Variants in OR10J1 observed in about 807,000 individuals in gnomAD.
OR10J1 encodes olfactory receptor 10J1.
For missense variants in OR10J1, 474 were observed against 376.6 expected (o/e 1.26, Z -2.14); for synonymous variants, 202 against 143.8 (o/e 1.40, Z -2.89).
the OR10J1 span, among the ~76,000 whole-genome samples, chr1:159,430,665 G>GTGTGTGTGTGTGTGTGTA: frequency 2.3e-3 from 190 of 83,564 alleles, no homozygotes; most frequent in Middle Eastern, 0.029. Context: ...GTGTGTGTGT[G>GTGTGTGTGTGTGTGTGTA]TGTGCGCGCG....
upstream of OR10J1, among the ~76,000 whole-genome samples, chr1:159,433,875 T>C (rs1483346141): frequency 6.6e-6 from 1 of 152,116 alleles, no homozygotes; most frequent in African/African-American, 2.4e-5. Context: ...AGATGTTAGA[T>C]ATTTATTAAA....
the OR10J1 span, among the ~76,000 whole-genome samples, chr1:159,430,064 T>A: frequency 2.6e-5 from 4 of 152,050 alleles, no homozygotes; most frequent in Non-Finnish European, 5.9e-5. Context: ...GTGGCCCTCA[T>A]CTCATAACCT....
the OR10J1 span, among the ~76,000 whole-genome samples, chr1:159,414,565 T>A: frequency 6.6e-6 from 1 of 152,142 alleles, no homozygotes; most frequent in African/African-American, 2.4e-5. Flanking sequence ...AGTGTAGATA[T>A]CTCTTCAATA....
chr1:159,418,381 G>T, the OR10J1 span, among the ~76,000 whole-genome samples: 1 of 152,134 alleles, frequency 6.6e-6, no homozygotes, highest in Admixed American at 6.6e-5. Context: ...TTGGTGCCCT[G>T]AGTCCCAGCC....
chr1:159,436,514 T>C (rs1655742395), upstream of OR10J1, among the ~76,000 whole-genome samples: 1 of 152,068 alleles, frequency 6.6e-6, no homozygotes, highest in African/African-American at 2.4e-5. Flanking sequence ...CCTAGCTGGT[T>C]TTTCTTCCTC....
upstream of OR10J1, chr1:159,433,220 T>C (rs543209101): frequency 4.0e-4 from 158 of 397,292 alleles, no homozygotes; most frequent in African/African-American, 3.1e-3. Context: ...TGAGAGATAC[T>C]GTGAAAGCAC....
the OR10J1 span, among the ~76,000 whole-genome samples, chr1:159,399,721 C>T: frequency 6.6e-6 from 1 of 151,226 alleles, no homozygotes; most frequent in Non-Finnish European, 1.5e-5. Context: ...AACATTGTAA[C>T]ACTGTAACTG....
At chr1:159,414,323 C>T in the OR10J1 span, among the ~76,000 whole-genome samples, 1 of 152,078 alleles carries the variant, frequency 6.6e-6, no homozygotes, top group Non-Finnish European at 1.5e-5. Context: ...TTGTAGCTCC[C>T]ACATATGAGA....
At chr1:159,416,230 G>A in the OR10J1 span, among the ~76,000 whole-genome samples, 8 of 151,924 alleles carry the variant, frequency 5.3e-5, no homozygotes, top group Admixed American at 6.6e-5. Context: ...AAATAAGAAC[G>A]GTGAAAGGGA....
the OR10J1 span, among the ~76,000 whole-genome samples, chr1:159,421,936 G>A: frequency 5.0e-3 from 765 of 152,266 alleles, 10 homozygotes; most frequent in African/African-American, 0.017. Context: ...GCACCTGGGC[G>A]TCAGGCGTGG....
chr1:159,430,649 G>GTT, the OR10J1 span, among the ~76,000 whole-genome samples: 1 of 75,268 alleles, frequency 1.3e-5, no homozygotes, highest in African/African-American at 3.5e-5. Context: ...TGGTGTGTGT[G>GTT]TGTGTGTGTG....
At chr1:159,404,122 C>CTATACTT in the OR10J1 span, among the ~76,000 whole-genome samples, 9 of 151,826 alleles carry the variant, frequency 5.9e-5, no homozygotes, top group Non-Finnish European at 1.2e-4. Context: ...TAGCTGGCGG[C>CTATACTT]TTGAGGGGGA....
At chr1:159,401,872 C>A in the OR10J1 span, among the ~76,000 whole-genome samples, 1 of 151,930 alleles carries the variant, frequency 6.6e-6, no homozygotes. Flanking sequence ...CAGAATCCAA[C>A]AATACATTGG....
the OR10J1 span, among the ~76,000 whole-genome samples, chr1:159,398,226 A>G: frequency 6.6e-6 from 1 of 152,212 alleles, no homozygotes; most frequent in African/African-American, 2.4e-5. Flanking sequence ...AAACAGCTTA[A>G]ATCACAACAC....
At chr1:159,430,673 G>A in the OR10J1 span, among the ~76,000 whole-genome samples, 52 of 151,888 alleles carry the variant, frequency 3.4e-4, no homozygotes, top group African/African-American at 7.7e-4. Flanking sequence ...GTGTGTGCGC[G>A]CGCGCACATG....
Position 159,440,147 on chromosome 1 carries a change from G to C in OR10J1, c.356G>C (p.Gly119Ala). Residue 119 changes from glycine (G) to alanine (A), a missense_variant, in exon 1 of 1, where the codon GGA becomes GCA. Gly to Ala is a moderately conservative substitution (Grantham distance 60). Transcript: ENST00000423932. ...ITNCFLLTAMGYDRYVAICNP... is the reference protein window; with the variant it reads ...ITNCFLLTAMAYDRYVAICNP... ...AACTGCTTCCTGCTCACAGCAATGGGATATGACCGCTATGTGGCCATCTGC... is the reference window on the plus strand; with the variant it reads ...AACTGCTTCCTGCTCACAGCAATGGCATATGACCGCTATGTGGCCATCTGC... 1.2e-6 allele frequency: 2 copies of C among 1,614,144 alleles called. No homozygotes were observed. Among genetic ancestry groups the C allele is most frequent in the Non-Finnish European group, 1.7e-6 (2 of 1,180,022 alleles).
Position 159,440,156 on chromosome 1 carries a change from G to A in OR10J1, c.365G>A (p.Arg122His), listed in dbSNP as rs758895629. The change falls in exon 1 of 1, where the codon CGC (arginine) becomes CAC (histidine). Residue 122 changes from arginine to histidine, a missense_variant. By Grantham distance (29) the Arg-to-His change is conservative (BLOSUM62 0). Coordinates refer to ENST00000423932, the MANE Select transcript of OR10J1 (RefSeq NM_012351.3). Reference sequence around the variant, plus strand: ...CTGCTCACAGCAATGGGATATGACCGCTATGTGGCCATCTGCAACCCCCTG... The same window carrying A: ...CTGCTCACAGCAATGGGATATGACCACTATGTGGCCATCTGCAACCCCCTG... ...CFLLTAMGYD[R>H]YVAICNPLRY... 70 of 1,613,992 alleles carry A rather than the reference G, an allele frequency of 4.3e-5. No homozygotes were observed. The highest frequency in any genetic ancestry group is 3.3e-4 in the Middle Eastern group (2 of 6,084).
chr1:159,423,477 G>A, the OR10J1 span, among the ~76,000 whole-genome samples: 132 of 152,286 alleles, frequency 8.7e-4, no homozygotes, highest in Non-Finnish European at 1.4e-3. Context: ...GAGCAGGCAG[G>A]CATACTGCAT....
At chr1:159,435,129 G>A (rs560159985), upstream of OR10J1, among the ~76,000 whole-genome samples, 1 of 152,246 alleles carries the variant, frequency 6.6e-6, no homozygotes, top group East Asian at 1.9e-4. Flanking sequence ...AAGCAAAGTG[G>A]TGTCTATGTC....
Sources: allele counts gnomAD v4.1 joint callset (sites outside exome capture counted in the v4.1 genomes callset), GRCh38; gene constraint gnomAD v4.1.1; transcripts MANE v1.5; gene names NCBI Gene and HGNC (gene_info 2026-07-23, HGNC 2026-07-21).